CCDC191: variants seen among roughly 807,000 people sequenced by gnomAD.
The protein encoded by CCDC191 is coiled-coil domain-containing protein 191.
In CCDC191, 99 loss-of-function variants were observed where a neutral mutation model predicts 114.0. The observed-to-expected ratio is 0.87, with a 90% CI of 0.74 to 1.03. The LOEUF (loss-of-function observed/expected upper bound fraction) is 1.03. Ranked by LOEUF, CCDC191 falls within the 50% of genes least tolerant of loss-of-function variation. CCDC191 has a pLI of 0.00. For synonymous variants in CCDC191, 351 were observed against 376.0 expected (o/e 0.93, Z 0.77); for missense variants, 973 against 1,087.0 (o/e 0.90, Z 1.47).
chr3:113,971,658 G>C (rs964956671), intron 16 of CCDC191, among the ~76,000 whole-genome samples: 18 of 151,990 alleles, frequency 1.2e-4, no homozygotes, highest in Non-Finnish European at 2.2e-4. Flanking sequence ...TCCTTGTTTG[G>C]TTTTGGTATC....
intron 16 of CCDC191, among the ~76,000 whole-genome samples, chr3:113,974,248 C>G (rs2107583682): frequency 6.6e-6 from 1 of 151,276 alleles, no homozygotes; most frequent in Admixed American, 6.6e-5. Flanking sequence ...TACATATTGC[C>G]TTCTCATTAG....
At chr3:113,969,048 A>G (rs1281793962) in intron 16 of CCDC191, among the ~76,000 whole-genome samples, 1 of 152,142 alleles carries the variant, frequency 6.6e-6, no homozygotes, top group Non-Finnish European at 1.5e-5. Context: ...AGGAAAGCAA[A>G]GAAAAAGGGG....
chr3:114,013,367 A>T (rs755360882), intron 8 of CCDC191, among the ~76,000 whole-genome samples: 1 of 152,244 alleles, frequency 6.6e-6, no homozygotes, highest in African/African-American at 2.4e-5. Flanking sequence ...GGATAGTTCC[A>T]CTACTGTTTT....
At position 113,965,254 on chromosome 3, in the gene CCDC191, A is replaced by C; in HGVS notation, c.2712T>G (p.Val904=). 4 of 1,611,738 alleles carry C rather than the reference A, an allele frequency of 2.5e-6. No homozygotes were observed. Among genetic ancestry groups the C allele is most frequent in the Non-Finnish European group, 3.4e-6 (4 of 1,178,934 alleles). The change falls in exon 17 of 17, where the codon GTT becomes GTG. Residue 904 remains valine (V), a synonymous_variant. Transcript: ENST00000295878. The part of the protein sequence containing the change: ...ERRQQLRRKV[V]EILPDFQVPG... ...GTACCTGGAAGTCTGGAAGAATTTC[A>C]ACTACCTTCCTACGAAGTTGCTGTC... is the stretch of plus-strand genomic sequence containing the variant.
In CCDC191 at chr3:113,964,922, G is replaced by C. The variant is rs1011261449; in HGVS notation, c.*233C>G. On this transcript the variant is annotated 3_prime_UTR_variant, in exon 17 of 17. Transcript: ENST00000295878. ...ATATATAGGATATATTTGAACAGAC[G>C]ATCTCTAGAATGTTCCTTTGGATGA... 1 of 346,888 alleles carries C rather than the reference G, an allele frequency of 2.9e-6. No individual in the cohort carries two copies. The highest frequency in any genetic ancestry group is 2.1e-5 in the African/African-American group (1 of 47,510). The allele number at this position is 346,888 out of a possible 1,614,324, so 21.5% of individuals were successfully genotyped here. A position where few individuals can be genotyped will look rare whatever the true frequency, so the allele number is the denominator to read the frequency against.
intron 3 of CCDC191, among the ~76,000 whole-genome samples, chr3:114,045,783 C>T (rs2076621385): frequency 6.6e-6 from 1 of 152,144 alleles, no homozygotes; most frequent in Admixed American, 6.5e-5. Flanking sequence ...GATGCTTCCC[C>T]CATCACATTG....
At chr3:114,012,551 G>T (rs2076088526) in intron 8 of CCDC191, among the ~76,000 whole-genome samples, 1 of 152,100 alleles carries the variant, frequency 6.6e-6, no homozygotes, top group African/African-American at 2.4e-5. Flanking sequence ...CAATAAATCA[G>T]ATAGCAACAC....
chr3:114,046,560 T>A (rs1362866380), intron 3 of CCDC191, 31 bp downstream of exon 3: 1 of 1,290,972 alleles, frequency 7.7e-7, no homozygotes, highest in African/African-American at 1.5e-5. Context: ...TAAGAATTGT[T>A]AACATCGCAG....
chr3:113,976,253 T>C (rs1941331162), intron 16 of CCDC191, among the ~76,000 whole-genome samples: 1 of 151,190 alleles, frequency 6.6e-6, no homozygotes, highest in South Asian at 2.1e-4. Flanking sequence ...AGTAAGACTT[T>C]GTCTCAGGGT....
Position 113,979,120 on chromosome 3 carries a change from G to A in CCDC191, c.2308-110C>T, listed in dbSNP as rs184923941. On this transcript the variant is annotated intron_variant, in intron 14 of 16. Transcript: ENST00000295878. ...AAAACACATTTAGGCAGTCGGTAGAGAATAATCTGAAGGTACATGCAGCCT... is the reference window on the plus strand; with the variant it reads ...AAAACACATTTAGGCAGTCGGTAGAAAATAATCTGAAGGTACATGCAGCCT... 9.5e-5 allele frequency: 92 copies of A among 971,652 alleles called. No individual in the cohort carries two copies. In the East Asian group the frequency reaches 1.9e-3, roughly 20 times the overall value. 60.2% of individuals were successfully genotyped at this position (971,652 alleles called of 1,614,324 possible).
intron 7 of CCDC191, among the ~76,000 whole-genome samples, chr3:114,024,802 T>G (rs1204284560): frequency 1.3e-5 from 2 of 152,160 alleles, no homozygotes; most frequent in Non-Finnish European, 2.9e-5. Flanking sequence ...TATACACAGG[T>G]AACAAACCTG....
chr3:114,004,356 C>A, intron 11 of CCDC191: 1 of 1,012,206 alleles, frequency 9.9e-7, no homozygotes, highest in Non-Finnish European at 1.2e-6. Context: ...TTTTCACAAT[C>A]CAAATCTCAA....
intron 15 of CCDC191, chr3:113,978,545 T>A: frequency 1.7e-6 from 1 of 604,828 alleles, no homozygotes; most frequent in Non-Finnish European, 2.8e-6. Flanking sequence ...AGTTATAAGA[T>A]TGAAGGGGTA....
chr3:113,990,410 C>T (rs1392976573), intron 13 of CCDC191, among the ~76,000 whole-genome samples: 1 of 151,824 alleles, frequency 6.6e-6, no homozygotes, highest in Admixed American at 6.6e-5. Context: ...AACTGAATAG[C>T]TCAATATCTA....
intron 8 of CCDC191, among the ~76,000 whole-genome samples, chr3:114,011,829 T>C (rs1303660994): frequency 6.6e-6 from 1 of 152,174 alleles, no homozygotes; most frequent in Non-Finnish European, 1.5e-5. Flanking sequence ...ATTAGGAGAT[T>C]TGGTGGCAGT....
intron 4 of CCDC191, among the ~76,000 whole-genome samples, chr3:114,041,814 C>T (rs936836581): frequency 6.6e-6 from 1 of 152,122 alleles, no homozygotes; most frequent in African/African-American, 2.4e-5. Flanking sequence ...AATACTCAGA[C>T]CCTTGAGTGT....
intron 3 of CCDC191, among the ~76,000 whole-genome samples, chr3:114,045,653 A>G (rs1296992201): frequency 2.0e-5 from 3 of 152,210 alleles, no homozygotes; most frequent in African/African-American, 4.8e-5. Context: ...GGAAAGCCCT[A>G]TGTGACATAC....
At chr3:113,997,443 G>A (rs1265609011) in intron 13 of CCDC191, among the ~76,000 whole-genome samples, 1 of 152,092 alleles carries the variant, frequency 6.6e-6, no homozygotes, top group Non-Finnish European at 1.5e-5. Context: ...ACACCCAGTA[G>A]CAATTAGACC....
chr3:114,044,771 G>A (rs536214899), intron 3 of CCDC191, among the ~76,000 whole-genome samples: 6 of 152,286 alleles, frequency 3.9e-5, no homozygotes, highest in Admixed American at 6.5e-5. Flanking sequence ...GGGATTTACT[G>A]TGAAGTGCCC....
Sources: allele counts gnomAD v4.1 joint callset (sites outside exome capture counted in the v4.1 genomes callset), GRCh38; gene constraint gnomAD v4.1.1; transcripts MANE v1.5; gene names NCBI Gene and HGNC (gene_info 2026-07-23, HGNC 2026-07-21).